The following COL25A1 variants were observed in gnomAD, a reference collection of about 807,000 sequenced individuals.
The protein encoded by COL25A1 is collagen alpha-1(XXV) chain.
A neutral mutation model predicts 128.4 loss-of-function variants in COL25A1; 103 were observed. That is an observed-to-expected ratio of 0.80 (90% CI 0.68 to 0.94). The LOEUF is 0.94. Ranked by LOEUF, COL25A1 falls within the 40% of genes least tolerant of loss-of-function variation. The pLI is 0.00. For synonymous variants in COL25A1, 279 were observed against 277.2 expected (o/e 1.01, Z -0.06); for missense variants, 745 against 840.0 (o/e 0.89, Z 1.40).
chr4:108,880,159 A>G (rs1441787232), intron 19 of COL25A1, among the ~76,000 whole-genome samples: 1 of 152,196 alleles, frequency 6.6e-6, no homozygotes, highest in African/African-American at 2.4e-5. Context: ...CATTGACTGG[A>G]GCCTGGAGAA....
chr4:109,165,700 GA>G (rs1344070307), intron 3 of COL25A1, among the ~76,000 whole-genome samples: 1 of 151,760 alleles, frequency 6.6e-6, no homozygotes, highest in African/African-American at 2.4e-5. Flanking sequence ...CTGAGTGACA[GA>G]ACAATACTGT....
At chr4:108,899,987 G>A (rs889072041) in intron 14 of COL25A1, among the ~76,000 whole-genome samples, 1 of 152,078 alleles carries the variant, frequency 6.6e-6, no homozygotes, top group Admixed American at 6.6e-5. Context: ...TGAAAAGCTT[G>A]AGTGAATGTT....
At position 109,302,651 on chromosome 4, in the gene COL25A1, A is replaced by T. The variant is rs1725669665; in HGVS notation, c.-539T>A. ...GCGAAGCCGAAGTCGCGGCTGCCCGAAGGATCTCCGCAGCCCCGCGTGCGC... is the reference window on the plus strand; with the variant it reads ...GCGAAGCCGAAGTCGCGGCTGCCCGTAGGATCTCCGCAGCCCCGCGTGCGC... On this transcript the variant is annotated 5_prime_UTR_variant, in exon 1 of 38. Coordinates refer to ENST00000399132, the MANE Select transcript of COL25A1 (RefSeq NM_198721.4). 1 of 152,526 alleles carries T rather than the reference A, an allele frequency of 6.6e-6. No homozygotes were observed. The highest frequency in any genetic ancestry group is 1.5e-5 in the Non-Finnish European group (1 of 68,298). 9.4% of individuals were successfully genotyped at this position (152,526 alleles called of 1,614,324 possible). A position where few individuals can be genotyped will look rare whatever the true frequency, so the allele number is the denominator to read the frequency against.
At chr4:109,267,633 C>T (rs1474927587) in intron 3 of COL25A1, among the ~76,000 whole-genome samples, 6 of 152,018 alleles carry the variant, frequency 3.9e-5, no homozygotes. Context: ...TGAATCATCC[C>T]TAATCCAAAA....
In COL25A1 at chr4:109,182,459, T is replaced by A. The variant is rs1774749582; in HGVS notation, c.367+118124A>T. Among the ~76,000 whole-genome samples the A allele has an allele frequency of 2.0e-5, 3 of 152,226 alleles. No individual in the cohort carries two copies. In the South Asian group the frequency reaches 6.2e-4, roughly 32 times the overall value. On this transcript the variant is annotated intron_variant, in intron 3 of 37. Transcript: ENST00000399132. Reference sequence around the variant, plus strand: ...CTACAGTATGATTATATTGATCCCATCAGCTACATAATAGTATTTGAATAA... The same window carrying A: ...CTACAGTATGATTATATTGATCCCAACAGCTACATAATAGTATTTGAATAA...
At chr4:109,044,154 A>T (rs1760200027) in intron 5 of COL25A1, among the ~76,000 whole-genome samples, 1 of 151,942 alleles carries the variant, frequency 6.6e-6, no homozygotes. Context: ...AAAATAGATA[A>T]GGCTGAGTAA....
intron 18 of COL25A1, among the ~76,000 whole-genome samples, chr4:108,885,028 G>A (rs894492287): frequency 6.6e-6 from 1 of 152,170 alleles, no homozygotes; most frequent in Admixed American, 6.5e-5. Flanking sequence ...AGGAATCTCA[G>A]GAGAAAATGA....
intron 3 of COL25A1, among the ~76,000 whole-genome samples, chr4:109,265,558 T>TGTGTGA (rs1560952732): frequency 6.7e-6 from 1 of 149,626 alleles, no homozygotes; most frequent in African/African-American, 2.5e-5. Flanking sequence ...TGTGTGTGTG[T>TGTGTGA]GTGTGTGTGT....
At chr4:109,159,346 A>C (rs895503772) in intron 3 of COL25A1, among the ~76,000 whole-genome samples, 4 of 152,108 alleles carry the variant, frequency 2.6e-5, no homozygotes, top group African/African-American at 9.7e-5. Flanking sequence ...CTATGCTTAT[A>C]GTGGTGAGTG....
rs570839780 is a variant in COL25A1 at position 109,294,496 on chromosome 4, T to C, written c.367+6087A>G. 5.9e-5 allele frequency among the ~76,000 whole-genome samples: 9 copies of C among 152,220 alleles called. No homozygotes were observed. In the South Asian group the frequency reaches 1.7e-3, roughly 28 times the overall value. Reference sequence around the variant, plus strand: ...TATCCATGTCTAAGAATTGAGTATGTGGGCATACTACAGTAATTTTTAACA... The same window carrying C: ...TATCCATGTCTAAGAATTGAGTATGCGGGCATACTACAGTAATTTTTAACA... On this transcript the variant is annotated intron_variant, in intron 3 of 37. Transcript: ENST00000399132.
At chr4:109,217,775 C>T (rs1250638015) in intron 3 of COL25A1, among the ~76,000 whole-genome samples, 1 of 152,010 alleles carries the variant, frequency 6.6e-6, no homozygotes, top group African/African-American at 2.4e-5. Context: ...ATACCTAATA[C>T]AATGCAAATG....
Position 108,951,062 on chromosome 4 carries a change from T to C in COL25A1, c.493-9625A>G, listed in dbSNP as rs13124240. On this transcript the variant is annotated intron_variant, in intron 8 of 37. Transcript: ENST00000399132. ...GAAGGTATTCCAGTCTGTAGCACAG[T>C]GAACAAAGGAGAAGGAACACTCAGG... Among the ~76,000 whole-genome samples, 373 of 152,244 alleles carry C rather than the reference T, an allele frequency of 2.5e-3. 1 individual carries two copies. Among genetic ancestry groups the C allele is most frequent in the Middle Eastern group, 0.017 (5 of 294 alleles).
chr4:108,956,145 T>C (rs1216132293), intron 8 of COL25A1, among the ~76,000 whole-genome samples: 4 of 152,178 alleles, frequency 2.6e-5, no homozygotes, highest in Admixed American at 2.6e-4. Context: ...GGATTGTTGG[T>C]GAAAATTTAT....
intron 8 of COL25A1, among the ~76,000 whole-genome samples, chr4:108,971,539 T>C (rs1751916805): frequency 6.6e-6 from 1 of 152,072 alleles, no homozygotes. Context: ...AGAGGGCAAA[T>C]GGAAAGCTGT....
chr4:108,915,927 A>C (rs151147647), intron 13 of COL25A1, among the ~76,000 whole-genome samples: 24 of 152,318 alleles, frequency 1.6e-4, no homozygotes, highest in African/African-American at 5.8e-4. Flanking sequence ...GATTCCAGAA[A>C]AACAAAGTCT....
intron 3 of COL25A1, among the ~76,000 whole-genome samples, chr4:109,081,740 G>C (rs751084420): frequency 1.3e-5 from 2 of 151,124 alleles, no homozygotes; most frequent in African/African-American, 2.4e-5. Flanking sequence ...GTCTCATTCT[G>C]TCGGCCAGGC....
intron 3 of COL25A1, among the ~76,000 whole-genome samples, chr4:109,219,832 C>T (rs1329038422): frequency 2.0e-5 from 3 of 152,144 alleles, no homozygotes; most frequent in Non-Finnish European, 4.4e-5. Flanking sequence ...AATTTAACTT[C>T]TGAAAAATCA....
chr4:108,906,062 A>G (rs575549420), intron 13 of COL25A1, among the ~76,000 whole-genome samples: 19 of 152,198 alleles, frequency 1.2e-4, no homozygotes, highest in African/African-American at 4.1e-4. Flanking sequence ...AGCTTCCAAC[A>G]TTCTCTTAAA....
chr4:109,253,883 T>G (rs559904256), intron 3 of COL25A1, among the ~76,000 whole-genome samples: 14 of 152,070 alleles, frequency 9.2e-5, no homozygotes, highest in East Asian at 5.8e-4. Flanking sequence ...GTCAGGAGAT[T>G]GAGACCATCC....
Sources: allele counts gnomAD v4.1 joint callset (sites outside exome capture counted in the v4.1 genomes callset), GRCh38; gene constraint gnomAD v4.1.1; transcripts MANE v1.5; gene names NCBI Gene and HGNC (gene_info 2026-07-23, HGNC 2026-07-21).